The following HDAC1 variants were observed in gnomAD, a reference collection of about 807,000 sequenced individuals.
HDAC1 encodes the protein protein deacetylase HDAC1.
In HDAC1, 18 loss-of-function variants were observed where a neutral mutation model predicts 65.5. That is an observed-to-expected ratio of 0.27 (90% confidence interval 0.19 to 0.41). The LOEUF is 0.41. Among genes scored for constraint, HDAC1 ranks in the 10% least tolerant of loss-of-function variants. The pLI, the probability that HDAC1 is intolerant of heterozygous loss-of-function variation, is 1.00. For synonymous variants in HDAC1, 211 were observed against 227.9 expected, an observed-to-expected ratio of 0.93 and a Z score of 0.67; for missense variants, 373 against 625.2, an observed-to-expected ratio of 0.60 and a Z score of 4.30.
chr1:32,316,581 G>A lies in HDAC1; in HGVS notation c.163-84G>A. On this transcript the variant is annotated intron_variant, in intron 2 of 13. Transcript: ENST00000373548. The stretch of plus-strand genomic sequence containing the variant: ...TTTATAGCACCTAGCTCCATGCTGC[G>A]CAGGAAATATAAATATTCAAACTAG... The A allele has an allele frequency of 6.4e-6, 5 of 781,590 alleles. No individual in the cohort carries two copies. The East Asian group carries it at 7.3e-5, about 11-fold the overall frequency. The allele number at this position is 781,590 out of a possible 1,614,324, so 48.4% of individuals were successfully genotyped here. A position where few individuals can be genotyped will look rare whatever the true frequency, so the allele number is the denominator to read the frequency against.
rs1641319672 is a variant in HDAC1, at chr1:32,333,018, G to T, written c.1423G>T (p.Val475Phe). 1 of 1,613,626 alleles carries T rather than the reference G, an allele frequency of 6.2e-7. No homozygotes were observed. The highest frequency in any genetic ancestry group is 2.2e-5 in the East Asian group (1 of 44,900). Residue 475 changes from valine to phenylalanine, a missense_variant and splice_region_variant, in exon 14 of 14, where the codon GTC becomes TTC. Around this residue, in one of 4 missense-constraint regions of HDAC1, gnomAD observed 126 missense variants for 126.2 expected, o/e 1.00. Transcript: ENST00000373548. ...TGCCAGTCTCTGCTCTCTCCACAGG[G>T]TCAAGGAGGAGGTCAAGTTGGCCTG... ...TKEEKPEAKG[V>F]KEEVKLA
Position 32,327,744 on chromosome 1 carries a change from T to G in HDAC1, c.636+67T>G, listed in dbSNP as rs1182005723. 1 of 1,481,130 alleles carries G rather than the reference T, an allele frequency of 6.8e-7. No homozygotes were observed. The highest frequency in any genetic ancestry group is 1.1e-5 in the South Asian group (1 of 87,978). The allele number at this position is 1,481,130 out of a possible 1,614,324, so 91.7% of individuals were successfully genotyped here. A position where few individuals can be genotyped will look rare whatever the true frequency, so the allele number is the denominator to read the frequency against. ...GGCAGCTCTACTTCTCTCTCCTATC[T>G]CATGCCACTAAAAATTGCTTCTTGC... On this transcript the variant is annotated intron_variant, in intron 6 of 13. Transcript: ENST00000373548. The surrounding 1 kb of genome is among the most constrained non-coding windows in gnomAD (Gnocchi z 6.0).
intron 2 of HDAC1, among the ~76,000 whole-genome samples, chr1:32,316,158 T>C (rs1172676774): frequency 1.3e-5 from 2 of 148,480 alleles, no homozygotes; most frequent in Admixed American, 6.7e-5. Flanking sequence ...GTGGTGGGCG[T>C]CTGTAGTCCC....
chr1:32,319,918 A>G (rs146800906), intron 3 of HDAC1, among the ~76,000 whole-genome samples: 1 of 147,138 alleles, frequency 6.8e-6, no homozygotes, highest in African/African-American at 2.5e-5. Flanking sequence ...TCGTCTCAAT[A>G]AAAAAAAAAC....
intron 3 of HDAC1, among the ~76,000 whole-genome samples, chr1:32,321,904 A>C (rs1641151417): frequency 2.0e-5 from 3 of 152,022 alleles, no homozygotes; most frequent in Non-Finnish European, 1.5e-5. Flanking sequence ...CCAGGGACCA[A>C]AGTTCTTATT....
At chr1:32,325,832 C>G (rs1334409441) in intron 4 of HDAC1, among the ~76,000 whole-genome samples, 1 of 152,112 alleles carries the variant, frequency 6.6e-6, no homozygotes, top group Non-Finnish European at 1.5e-5. Flanking sequence ...TTGAGACCAG[C>G]CTGACCAACA....
chr1:32,332,672 T>C, intron 12 of HDAC1, 29 bp from the exon 13 acceptor site: 1 of 1,544,626 alleles, frequency 6.5e-7, no homozygotes, highest in Non-Finnish European at 8.8e-7. Flanking sequence ...GGTGCTGCCC[T>C]TGGCCATCCC....
At position 32,302,653 on chromosome 1, in the gene HDAC1, C is replaced by A; in HGVS notation, c.82C>A (p.His28Asn). 6.2e-7 allele frequency: 1 copy of A among 1,601,552 alleles called. No individual in the cohort carries two copies. Among genetic ancestry groups the A allele is most frequent in the Non-Finnish European group, 8.6e-7 (1 of 1,168,588 alleles). The change falls in exon 2 of 14, where the codon CAC (histidine) becomes AAC (asparagine). Residue 28 changes from histidine (H) to asparagine (N), a missense_variant. By Grantham distance (68) the His-to-Asn change is moderately conservative (BLOSUM62 1). Around this residue, in one of 4 missense-constraint regions of HDAC1, gnomAD observed 80 missense variants for 126.3 expected, o/e 0.63. Transcript: ENST00000373548. Reference sequence around the variant, plus strand: ...TGGAAATTACTATTATGGACAAGGCCACCCAATGAAGCCTCACCGAATCCG... The same window carrying A: ...TGGAAATTACTATTATGGACAAGGCAACCCAATGAAGCCTCACCGAATCCG... Reference protein sequence around the residue: ...DVGNYYYGQGHPMKPHRIRMT... With the variant: ...DVGNYYYGQGNPMKPHRIRMT...
In HDAC1 at chr1:32,332,690, T is replaced by C. The variant is rs368275142; in HGVS notation, c.1373-11T>C. On this transcript the variant is annotated splice_polypyrimidine_tract_variant and intron_variant, in intron 12 of 13. Transcript: ENST00000373548. ...GCTGCCCTTGGCCATCCCTGTACTC[T>C]TGTGTTCTAGAAGTCACCGAAGAGG... 102 of 1,553,006 alleles carry C rather than the reference T, an allele frequency of 6.6e-5. No individual in the cohort carries two copies. Among genetic ancestry groups the C allele is most frequent in the Non-Finnish European group, 8.5e-5 (98 of 1,147,374 alleles).
chr1:32,331,354 T>C lies in HDAC1; in HGVS notation c.980-120T>C. 1.5e-6 allele frequency: 1 copy of C among 659,840 alleles called. No individual in the cohort carries two copies. The allele number at this position is 659,840 out of a possible 1,614,324, so 40.9% of individuals were successfully genotyped here. A position where few individuals can be genotyped will look rare whatever the true frequency, so the allele number is the denominator to read the frequency against. ...GTGTCTCACAGTGTCTTGGAGGCAT[T>C]CTCCTCTGTTTGGATAAATAGGCCC... is the stretch of plus-strand genomic sequence containing the variant. On this transcript the variant is annotated intron_variant, in intron 9 of 13. Coordinates refer to ENST00000373548, the MANE Select transcript of HDAC1 (RefSeq NM_004964.3). This position sits in a 1 kb window ranked among gnomAD's most constrained non-coding sequence, Gnocchi z 4.2.
chr1:32,303,853 T>C (rs1640879869), intron 2 of HDAC1, among the ~76,000 whole-genome samples: 1 of 152,118 alleles, frequency 6.6e-6, no homozygotes. Context: ...CAGAATGAGA[T>C]TTTGTCTCAA....
intron 1 of HDAC1, among the ~76,000 whole-genome samples, chr1:32,300,033 G>A (rs146432296): frequency 0.017 from 2,649 of 151,968 alleles, 77 homozygotes; most frequent in African/African-American, 0.061. Context: ...ACTCCAGCCT[G>A]GGCGACAGAG....
In HDAC1 at chr1:32,332,724, AAGG is replaced by A. The variant is rs771427696; in HGVS notation, c.1402_1404del (p.Glu468del). On this transcript the variant is annotated inframe_deletion, in exon 13 of 14. Transcript: ENST00000373548. The stretch of plus-strand genomic sequence containing the variant: ...AGAAGTCACCGAAGAGGAGAAAACC[AAGG>A]AGGAGAAGCCAGAAGCCAAAGGGTG... 114 of 1,555,396 alleles carry A rather than the reference AAGG, an allele frequency of 7.3e-5. No individual in the cohort carries two copies. Among genetic ancestry groups the A allele is most frequent in the Middle Eastern group, 5.0e-4 (3 of 6,016 alleles).
At chr1:32,318,523 A>G (rs1245170099) in intron 3 of HDAC1, among the ~76,000 whole-genome samples, 1 of 151,688 alleles carries the variant, frequency 6.6e-6, no homozygotes, top group Non-Finnish European at 1.5e-5. Context: ...TGATTGTACT[A>G]CTGCACTCCA....
Position 32,329,129 on chromosome 1 carries a change from A to T in HDAC1, c.698A>T (p.Asp233Val). Residue 233 changes from aspartate (D) to valine (V), a missense_variant, in exon 7 of 14, where the codon GAT becomes GTT. Physicochemically the swap from Asp to Val is radical, Grantham distance 152 (BLOSUM62 -3). Coordinates refer to ENST00000373548, the MANE Select transcript of HDAC1 (RefSeq NM_004964.3). The surrounding 1 kb of genome is among the most constrained non-coding windows in gnomAD (Gnocchi z 4.1). ...AVNYPLRDGI[D>V]DESYEAIFKP... ...AACTACCCGCTCCGAGACGGGATTG[A>T]TGACGAGTCCTATGAGGCCATTTTC... 1 of 1,612,596 alleles carries T rather than the reference A, an allele frequency of 6.2e-7. No individual in the cohort carries two copies.
At chr1:32,320,899 CAAAAAAAAAAAAA>C (rs1160071616) in intron 3 of HDAC1, among the ~76,000 whole-genome samples, 1 of 23,372 alleles carries the variant, frequency 4.3e-5, no homozygotes, top group Non-Finnish European at 1.2e-4. Flanking sequence ...GACTCCATCT[CAAAAAAAAAAAAA>C]AAAAAAAAAA....
intron 2 of HDAC1, among the ~76,000 whole-genome samples, chr1:32,313,428 G>C (rs910575759): frequency 6.6e-6 from 1 of 152,082 alleles, no homozygotes; most frequent in Non-Finnish European, 1.5e-5. Flanking sequence ...AAAAAGACAG[G>C]GTCTCACTAT....
intron 1 of HDAC1, among the ~76,000 whole-genome samples, chr1:32,297,403 G>C (rs1357772602): frequency 6.6e-6 from 1 of 152,050 alleles, no homozygotes; most frequent in African/African-American, 2.4e-5. Flanking sequence ...AAAAAAATAA[G>C]CTGGGTGTGG....
chr1:32,304,165 A>G (rs1413401977), intron 2 of HDAC1, among the ~76,000 whole-genome samples: 1 of 152,208 alleles, frequency 6.6e-6, no homozygotes, highest in Non-Finnish European at 1.5e-5. Flanking sequence ...GTCTGTTTCT[A>G]CAGCTTGAGT....
Sources: gnomAD v4.1 joint callset for allele counts (sites outside exome capture counted in the v4.1 genomes callset) on GRCh38, gnomAD v4.1.1 for gene constraint, gnomAD v4.1.1 regional missense constraint, Gnocchi (gnomAD v3.1) non-coding constraint, MANE v1.5 for transcripts, NCBI Gene and HGNC (gene_info 2026-07-23, HGNC 2026-07-21) for gene names.